Variants in SERPINA11 observed in about 807,000 individuals in gnomAD.
SERPINA11 encodes the protein serpin family A member 11, also known as serpin A11.
SERPINA11 carries 28 observed loss-of-function variants against 29.4 expected under a neutral mutation model. The observed-to-expected ratio is 0.95, with a 90% confidence interval of 0.70 to 1.30. SERPINA11 has a LOEUF of 1.30. Among genes scored for constraint, SERPINA11 ranks in the 50% most tolerant of loss-of-function variants. The probability of loss-of-function intolerance (pLI) is 0.00; values close to 1 mark genes in which losing one functional copy is unlikely to be tolerated. For missense variants in SERPINA11, 530 were observed against 507.3 expected (o/e 1.04, Z -0.43); for synonymous variants, 253 against 206.6 (o/e 1.22, Z -1.92).
intron 3 of SERPINA11, among the ~76,000 whole-genome samples, chr14:94,445,069 C>T (rs963407284): frequency 6.6e-6 from 1 of 152,230 alleles, no homozygotes; most frequent in Non-Finnish European, 1.5e-5. Flanking sequence ...CCTGAGCTAG[C>T]CTCATGGAGA....
intron 2 of SERPINA11, among the ~76,000 whole-genome samples, chr14:94,447,185 T>C (rs1898461078): frequency 6.6e-6 from 1 of 152,220 alleles, no homozygotes; most frequent in East Asian, 1.9e-4. Context: ...TAAAATGTCA[T>C]GCATTAGGCA....
intron 3 of SERPINA11, among the ~76,000 whole-genome samples, chr14:94,445,199 A>T (rs924131855): frequency 7.2e-5 from 11 of 152,188 alleles, no homozygotes; most frequent in African/African-American, 2.4e-4. Context: ...ACCTACTCCA[A>T]CACATGAAAA....
chr14:94,451,500 G>A (rs891996282), intron 1 of SERPINA11, among the ~76,000 whole-genome samples: 1 of 152,204 alleles, frequency 6.6e-6, no homozygotes, highest in South Asian at 2.1e-4. Flanking sequence ...GTAAAATGAA[G>A]TGCCTGTAAT....
chr14:94,446,831 T>C (rs1898449588), intron 2 of SERPINA11, among the ~76,000 whole-genome samples: 2 of 152,242 alleles, frequency 1.3e-5, no homozygotes, highest in Non-Finnish European at 2.9e-5. Context: ...CAGAGGAACT[T>C]AGCTTCTAAC....
chr14:94,442,729 TG>T lies in SERPINA11; in HGVS notation c.1145del (p.Pro382HisfsTer3). ...GTGGGTCTGACATGGTGTTCAGAGATGGGGGCTGGGAGAGGAGGCCTGAAGC... is the reference window on the plus strand; with the variant it reads ...GTGGGTCTGACATGGTGTTCAGAGATGGGGCTGGGAGAGGAGGCCTGAAGC... Reference protein sequence around the residue: ...GAASGLLSQPPSLNTMSDPHA... With the variant: ...GAASGLLSQPXSLNTMSDPHA... On this transcript the variant is annotated frameshift_variant, in exon 5 of 5. Transcript: ENST00000334708. LOFTEE classifies it low-confidence loss of function (END_TRUNC). 1 of 1,613,768 alleles carries T rather than the reference TG, an allele frequency of 6.2e-7. No individual in the cohort carries two copies. Among genetic ancestry groups the T allele is most frequent in the Non-Finnish European group, 8.5e-7 (1 of 1,179,908 alleles).
Position 94,442,799 on chromosome 14 carries a change from TTGTGTGACAC to T in SERPINA11, c.1066_1075del (p.Val356ArgfsTer6), listed in dbSNP as rs1898368776. ...CTTCTCACTCATGTCCACCATCGCCTTGTGTGACACCTAGAGGACAAGAGGAGATGAAGAC... is the reference window on the plus strand; with the variant it reads ...CTTCTCACTCATGTCCACCATCGCCTCTAGAGGACAAGAGGAGATGAAGAC... On this transcript the variant is annotated frameshift_variant and splice_region_variant, in exon 5 of 5. Transcript: ENST00000334708. LOFTEE classifies it low-confidence loss of function (END_TRUNC). 1 of 1,606,510 alleles carries T rather than the reference TTGTGTGACAC, an allele frequency of 6.2e-7. No individual in the cohort carries two copies.
intron 1 of SERPINA11, among the ~76,000 whole-genome samples, chr14:94,451,243 G>C (rs752591963): frequency 5.3e-5 from 8 of 152,240 alleles, no homozygotes; most frequent in Non-Finnish European, 1.0e-4. Context: ...CAAAGGCCAG[G>C]TGTCAGGAGG....
intron 1 of SERPINA11, 90 bp from the exon 2 acceptor site, chr14:94,448,867 G>A (rs1898501705): frequency 2.4e-6 from 3 of 1,259,722 alleles, no homozygotes; most frequent in Non-Finnish European, 3.2e-6. Flanking sequence ...CCTTCACAAT[G>A]TGCCCCACAG....
chr14:94,445,607 T>C (rs1156881813), intron 3 of SERPINA11, among the ~76,000 whole-genome samples: 1 of 152,214 alleles, frequency 6.6e-6, no homozygotes, highest in Non-Finnish European at 1.5e-5. Context: ...CTAGCTTTGT[T>C]GCCCAGACTG....
intron 3 of SERPINA11, among the ~76,000 whole-genome samples, chr14:94,443,788 G>A (rs1898386328): frequency 1.3e-5 from 2 of 152,194 alleles, no homozygotes; most frequent in Non-Finnish European, 2.9e-5. Context: ...GGGAGATCAT[G>A]TGTGTTGGGC....
In SERPINA11 at chr14:94,449,501, C is replaced by CTG. The variant is rs35936663; in HGVS notation, c.-3-725_-3-724insCA. Among the ~76,000 whole-genome samples, 29 of 115,034 alleles carry CTG rather than the reference C, an allele frequency of 2.5e-4. 1 individual carries two copies. Among genetic ancestry groups the CTG allele is most frequent in the South Asian group, 1.7e-3 (6 of 3,498 alleles). 75.5% of individuals were successfully genotyped at this position (115,034 alleles called of 152,430 possible). A position where few individuals can be genotyped will look rare whatever the true frequency, so the allele number is the denominator to read the frequency against. On this transcript the variant is annotated intron_variant, in intron 1 of 4. Transcript: ENST00000334708. ...TCTTTCTGTCTGTCTGTCTTTCTTT[C>CTG]TCTTTCTTTTTCTTTCTTTCTTTCT... is the stretch of plus-strand genomic sequence containing the variant.
At chr14:94,452,359 TC>T (rs1486454644) in intron 1 of SERPINA11, among the ~76,000 whole-genome samples, 1 of 152,188 alleles carries the variant, frequency 6.6e-6, no homozygotes, top group African/African-American at 2.4e-5. Flanking sequence ...AGCACCCTTT[TC>T]ACAGGACAGC....
Position 94,448,352 on chromosome 14 carries a change from C to T in SERPINA11, c.423G>A (p.Leu141=). The part of the protein sequence containing the change: ...PKLELKVGNS[L]FLDKRLKPRQ... ...GAGGCTTTAGTCGCTTGTCTAGGAA[C>T]AGGGAGTTTCCTACTTTTAGTTCGA... Residue 141 remains leucine, a synonymous_variant, in exon 2 of 5, where the codon CTG becomes CTA. Coordinates refer to ENST00000334708, the MANE Select transcript of SERPINA11 (RefSeq NM_001080451.2). 3 of 1,614,200 alleles carry T rather than the reference C, an allele frequency of 1.9e-6. No individual in the cohort carries two copies. The highest frequency in any genetic ancestry group is 1.7e-6 in the Non-Finnish European group (2 of 1,180,034).
intron 1 of SERPINA11, among the ~76,000 whole-genome samples, chr14:94,450,089 G>C (rs895087554): frequency 2.0e-5 from 3 of 152,162 alleles, no homozygotes; most frequent in Non-Finnish European, 2.9e-5. Flanking sequence ...CGATGAGAGA[G>C]AGCAACTCTG....
At chr14:94,451,049 CCA>C (rs1358401169) in intron 1 of SERPINA11, among the ~76,000 whole-genome samples, 2 of 152,210 alleles carry the variant, frequency 1.3e-5, no homozygotes, top group Non-Finnish European at 2.9e-5. Context: ...GCACTGCTGA[CCA>C]CCTCTATCAC....
intron 1 of SERPINA11, among the ~76,000 whole-genome samples, chr14:94,449,479 TTCTG>T (rs74659285): frequency 0.015 from 1,303 of 84,596 alleles, 78 homozygotes; most frequent in East Asian, 0.1. Flanking sequence ...CTTTCTTTCT[TTCTG>T]TCTGTCTGTC....
chr14:94,444,508 A>G (rs186514376), intron 3 of SERPINA11, among the ~76,000 whole-genome samples: 1 of 152,274 alleles, frequency 6.6e-6, no homozygotes, highest in East Asian at 1.9e-4. Context: ...CTACTGGTCT[A>G]GAAGAGTCTA....
chr14:94,446,074 C>G (rs1265040361), intron 3 of SERPINA11, among the ~76,000 whole-genome samples: 1 of 152,092 alleles, frequency 6.6e-6, no homozygotes, highest in South Asian at 2.1e-4. Flanking sequence ...GCTCCACGTA[C>G]CAGTCTAAGT....
chr14:94,451,105 C>A (rs899431532), intron 1 of SERPINA11, among the ~76,000 whole-genome samples: 1 of 152,192 alleles, frequency 6.6e-6, no homozygotes, highest in Non-Finnish European at 1.5e-5. Context: ...TTAACTGGCA[C>A]CTTTAATAAT....
Sources: allele counts gnomAD v4.1 joint callset (sites outside exome capture counted in the v4.1 genomes callset), GRCh38; gene constraint gnomAD v4.1.1; transcripts MANE v1.5; gene names NCBI Gene and HGNC (gene_info 2026-07-23, HGNC 2026-07-21).